CPQ: variants seen among roughly 807,000 people sequenced by gnomAD.
CPQ encodes Ser-Met dipeptidase.
In CPQ, 37 loss-of-function variants were observed where a neutral mutation model predicts 45.7. The observed-to-expected ratio is 0.81, with a 90% CI of 0.62 to 1.07. CPQ has a LOEUF of 1.07. CPQ is among the 50% of genes least tolerant of loss of function. The pLI is 0.00. For synonymous variants in CPQ, 186 were observed against 205.8 expected, an observed-to-expected ratio of 0.90 and a Z score of 0.82; for missense variants, 537 against 572.9, an observed-to-expected ratio of 0.94 and a Z score of 0.64.
chr8:96,978,374 G>T (rs1230443628), intron 5 of CPQ, among the ~76,000 whole-genome samples: 1 of 152,190 alleles, frequency 6.6e-6, no homozygotes, highest in Non-Finnish European at 1.5e-5. Flanking sequence ...TTTACAATGA[G>T]TCACTTAGAA....
At chr8:96,667,511 G>C (rs1808942308) in intron 1 of CPQ, among the ~76,000 whole-genome samples, 1 of 151,788 alleles carries the variant, frequency 6.6e-6, no homozygotes, top group Admixed American at 6.6e-5. Context: ...ACCACGCCTG[G>C]CTAATTTTTT....
chr8:96,662,026 C>G (rs992911485), intron 1 of CPQ, among the ~76,000 whole-genome samples: 12 of 152,140 alleles, frequency 7.9e-5, no homozygotes, highest in African/African-American at 2.9e-4. Flanking sequence ...CATTTCCCTG[C>G]TTACATATGA....
chr8:96,656,574 C>T (rs914737115), intron 1 of CPQ, among the ~76,000 whole-genome samples: 10 of 152,104 alleles, frequency 6.6e-5, no homozygotes, highest in African/African-American at 2.4e-4. Flanking sequence ...AGAGTGGGCT[C>T]TGAGTCTGGA....
chr8:96,824,132 T>C (rs1811348126), intron 2 of CPQ, among the ~76,000 whole-genome samples: 1 of 152,046 alleles, frequency 6.6e-6, no homozygotes, highest in East Asian at 1.9e-4. Context: ...GGATGAATAA[T>C]CAGATGAGGA....
intron 1 of CPQ, among the ~76,000 whole-genome samples, chr8:96,648,314 AC>A (rs1815540130): frequency 2.0e-5 from 3 of 152,196 alleles, no homozygotes; most frequent in Non-Finnish European, 4.4e-5. Flanking sequence ...TATGAAAAAA[AC>A]ATTAAAGCAA....
chr8:97,115,810 C>T (rs972251607), intron 7 of CPQ, among the ~76,000 whole-genome samples: 1 of 152,220 alleles, frequency 6.6e-6, no homozygotes, highest in East Asian at 1.9e-4. Context: ...ATGTCTTTAC[C>T]TCTGTGCTTC....
intron 4 of CPQ, among the ~76,000 whole-genome samples, chr8:96,958,765 T>G (rs1345534322): frequency 6.6e-6 from 1 of 152,028 alleles, no homozygotes; most frequent in Non-Finnish European, 1.5e-5. Flanking sequence ...CTAATCTGAG[T>G]GTCCTTTACA....
Position 96,683,071 on chromosome 8 carries a change from G to A in CPQ, c.-35+37669G>A, listed in dbSNP as rs191065909. Among the ~76,000 whole-genome samples the A allele has an allele frequency of 3.5e-3, 528 of 152,020 alleles. 4 individuals carry two copies. Among genetic ancestry groups the A allele is most frequent in the African/African-American group, 0.012 (512 of 41,506 alleles). On this transcript the variant is annotated intron_variant, in intron 1 of 7. Transcript: ENST00000220763. ...TTGTGGTTTAGTGGTTTTCTTTAGC[G>A]GTAATGTTTCACTTCTTTGTCTTTC...
At chr8:97,139,753 A>G (rs1178274510) in intron 7 of CPQ, among the ~76,000 whole-genome samples, 1 of 152,136 alleles carries the variant, frequency 6.6e-6, no homozygotes, top group Non-Finnish European at 1.5e-5. Context: ...AGGGAAGATT[A>G]TAGCCTTACT....
intron 4 of CPQ, among the ~76,000 whole-genome samples, chr8:96,941,828 C>T (rs2130324217): frequency 6.6e-6 from 1 of 152,286 alleles, no homozygotes; most frequent in East Asian, 1.9e-4. Flanking sequence ...CATATCTTTA[C>T]ATACATACTG....
intron 5 of CPQ, among the ~76,000 whole-genome samples, chr8:96,993,350 C>T (rs967337898): frequency 6.6e-6 from 1 of 152,078 alleles, no homozygotes; most frequent in African/African-American, 2.4e-5. Context: ...TTCATTCTTG[C>T]TCACTTTTAG....
chr8:96,808,921 T>G (rs1184882318), intron 2 of CPQ, among the ~76,000 whole-genome samples: 1 of 152,172 alleles, frequency 6.6e-6, no homozygotes, highest in Non-Finnish European at 1.5e-5. Flanking sequence ...TGCTGTAAGG[T>G]TGTGCCTGGT....
intron 7 of CPQ, among the ~76,000 whole-genome samples, chr8:97,100,939 A>G (rs1811293903): frequency 6.6e-6 from 1 of 152,204 alleles, no homozygotes; most frequent in African/African-American, 2.4e-5. Context: ...TTACAGTTCA[A>G]TTTGTGTGAT....
At chr8:96,852,551 T>A (rs1811784834) in intron 3 of CPQ, among the ~76,000 whole-genome samples, 1 of 152,178 alleles carries the variant, frequency 6.6e-6, no homozygotes, top group Admixed American at 6.5e-5. Context: ...CATCTCGCCC[T>A]CTTCCTTGCT....
intron 4 of CPQ, among the ~76,000 whole-genome samples, chr8:96,928,377 C>T (rs1812921111): frequency 1.3e-5 from 2 of 150,222 alleles, no homozygotes; most frequent in Admixed American, 6.7e-5. Context: ...TATCTAGTAT[C>T]TGCCTTCTCT....
At chr8:96,685,937 T>C (rs1050613707) in intron 1 of CPQ, among the ~76,000 whole-genome samples, 2 of 152,152 alleles carry the variant, frequency 1.3e-5, no homozygotes, top group Non-Finnish European at 2.9e-5. Flanking sequence ...TTTCTTGTTA[T>C]ACATTTTTCT....
chr8:97,123,148 T>TA (rs1229891722), intron 7 of CPQ, among the ~76,000 whole-genome samples: 232 of 20,606 alleles, frequency 0.011, 23 homozygotes, highest in Admixed American at 0.04. Flanking sequence ...TAAAATAAAA[T>TA]AAATAAAATA....
intron 6 of CPQ, among the ~76,000 whole-genome samples, chr8:97,035,726 G>T: frequency 6.6e-6 from 1 of 151,686 alleles, no homozygotes; most frequent in Non-Finnish European, 1.5e-5. Context: ...TTTTGTATTT[G>T]AGACAGAGTC....
chr8:96,867,468 T>A (rs929458762), intron 3 of CPQ, among the ~76,000 whole-genome samples: 1 of 151,988 alleles, frequency 6.6e-6, no homozygotes, highest in African/African-American at 2.4e-5. Flanking sequence ...AAAAAAGCAA[T>A]CAAACTTAAC....
Sources: gnomAD v4.1 joint callset for allele counts (sites outside exome capture counted in the v4.1 genomes callset) on GRCh38, gnomAD v4.1.1 for gene constraint, MANE v1.5 for transcripts, NCBI Gene and HGNC (gene_info 2026-07-23, HGNC 2026-07-21) for gene names.